Variants in NCAM1 observed in about 807,000 individuals in gnomAD.
The protein encoded by NCAM1 is neural cell adhesion molecule 1.
A neutral mutation model predicts 109.8 loss-of-function variants in NCAM1; 14 were observed. That is an observed-to-expected ratio of 0.13 (90% confidence interval 0.08 to 0.20). The LOEUF (loss-of-function observed/expected upper bound fraction) is 0.20. Ranked by LOEUF, NCAM1 falls within the 10% of genes least tolerant of loss-of-function variation. The pLI, the probability that NCAM1 is intolerant of heterozygous loss-of-function variation, is 1.00. For synonymous variants in NCAM1, 418 were observed against 442.9 expected (o/e 0.94, Z 0.70); for missense variants, 774 against 1,109.9 (o/e 0.70, Z 4.30).
intron 1 of NCAM1, among the ~76,000 whole-genome samples, chr11:113,109,586 G>C (rs1555093240): frequency 6.6e-6 from 1 of 152,178 alleles, no homozygotes; most frequent in Non-Finnish European, 1.5e-5. Flanking sequence ...TGGGGACAGG[G>C]AGATTACACA....
chr11:113,076,385 C>A (rs1306567774), intron 1 of NCAM1, among the ~76,000 whole-genome samples: 1 of 152,122 alleles, frequency 6.6e-6, no homozygotes, highest in Non-Finnish European at 1.5e-5. Flanking sequence ...ATTTTTCCAC[C>A]CAAATGCATA....
intron 14 of NCAM1, among the ~76,000 whole-genome samples, chr11:113,243,340 C>T (rs968582761): frequency 2.6e-5 from 4 of 152,148 alleles, no homozygotes; most frequent in African/African-American, 9.7e-5. Context: ...ACAGCATGCC[C>T]GGCTTTGTCT....
chr11:113,033,818 T>C (rs954941741), intron 1 of NCAM1, among the ~76,000 whole-genome samples: 23 of 152,194 alleles, frequency 1.5e-4, no homozygotes, highest in African/African-American at 5.5e-4. Context: ...GACTAAGACA[T>C]TTAGATCAAT....
intron 1 of NCAM1, among the ~76,000 whole-genome samples, chr11:113,009,301 G>A (rs1401414997): frequency 1.7e-5 from 2 of 116,936 alleles, no homozygotes; most frequent in African/African-American, 6.1e-5. Context: ...TAATTGGAAG[G>A]GTTTTTTCGG....
At chr11:113,204,175 C>T in intron 2 of NCAM1, 111 bp from the exon 3 acceptor site, 2 of 884,832 alleles carry the variant, frequency 2.3e-6, no homozygotes. Flanking sequence ...ATGTTCAAGC[C>T]TTGACTGATC....
chr11:112,981,889 T>G (rs1940726), intron 1 of NCAM1, among the ~76,000 whole-genome samples: 68,435 of 151,752 alleles, frequency 0.45, 16,296 homozygotes, highest in East Asian at 0.8. Flanking sequence ...CAAATAAAAT[T>G]AGTTGTTGTC....
intron 1 of NCAM1, among the ~76,000 whole-genome samples, chr11:113,035,952 C>T (rs151161751): frequency 0.021 from 3,147 of 152,130 alleles, 51 homozygotes; most frequent in Middle Eastern, 0.044. Flanking sequence ...CTCCAGTCCC[C>T]GAGAAGTCCA....
At chr11:113,220,790 T>A (rs1057307104) in intron 8 of NCAM1, among the ~76,000 whole-genome samples, 4 of 151,850 alleles carry the variant, frequency 2.6e-5, no homozygotes, top group African/African-American at 4.8e-5. Context: ...GTATTTTTTT[T>A]AGTAGAGATG....
At chr11:113,039,653 C>T (rs1287910252) in intron 1 of NCAM1, among the ~76,000 whole-genome samples, 1 of 152,162 alleles carries the variant, frequency 6.6e-6, no homozygotes, top group Non-Finnish European at 1.5e-5. Context: ...ATATAATTTT[C>T]AGAATATTAT....
chr11:113,231,864 C>A, intron 10 of NCAM1, 69 bp downstream of exon 10: 1 of 1,582,352 alleles, frequency 6.3e-7, no homozygotes, highest in Non-Finnish European at 8.6e-7. Flanking sequence ...GAGAGGAAAA[C>A]ATCAGCAAGG....
chr11:113,200,391 G>T (rs1216556664), intron 1 of NCAM1, among the ~76,000 whole-genome samples: 1 of 152,172 alleles, frequency 6.6e-6, no homozygotes, highest in Non-Finnish European at 1.5e-5. Context: ...GATACGATGG[G>T]CCCTTATCAA....
intron 1 of NCAM1, among the ~76,000 whole-genome samples, chr11:113,184,452 TG>T: frequency 6.6e-6 from 1 of 152,250 alleles, no homozygotes; most frequent in East Asian, 1.9e-4. Context: ...ACTACCATTT[TG>T]AAGATACAAT....
intron 1 of NCAM1, among the ~76,000 whole-genome samples, chr11:113,050,263 A>G (rs10891497): frequency 0.16 from 24,370 of 152,160 alleles, 2,441 homozygotes; most frequent in South Asian, 0.29. Flanking sequence ...TCCATACTTA[A>G]TGGTAGTAAA....
At chr11:113,018,460 T>C (rs1952277172) in intron 1 of NCAM1, among the ~76,000 whole-genome samples, 1 of 152,206 alleles carries the variant, frequency 6.6e-6, no homozygotes, top group South Asian at 2.1e-4. Context: ...TCCCTTGAGA[T>C]AATATTGTTC....
chr11:113,096,037 A>G (rs1486001745), intron 1 of NCAM1, among the ~76,000 whole-genome samples: 1 of 152,206 alleles, frequency 6.6e-6, no homozygotes, highest in Non-Finnish European at 1.5e-5. Flanking sequence ...ACAGGAATTC[A>G]GACACAGACC....
Position 113,277,872 on chromosome 11 carries a change from A to AAAAAAAG in NCAM1, c.*2489_*2490insAAGAAAA. 6.5e-6 allele frequency: 1 copy of AAAAAAAG among 154,438 alleles called. No individual in the cohort carries two copies. Among genetic ancestry groups the AAAAAAAG allele is most frequent in the South Asian group, 2.1e-4 (1 of 4,812 alleles). The allele number at this position is 154,438 out of a possible 1,614,324, so 9.6% of individuals were successfully genotyped here. On this transcript the variant is annotated 3_prime_UTR_variant, in exon 20 of 20. Coordinates refer to ENST00000316851, the MANE Select transcript of NCAM1 (RefSeq NM_181351.5). Reference sequence around the variant, plus strand: ...TTTAAAAAAAAAAAAAAAAAAAAAAAAAAAGCAATGCTTTCTCTAAAATCA... The same window carrying AAAAAAAG: ...TTTAAAAAAAAAAAAAAAAAAAAAAAAAAAAAGAAAAGCAATGCTTTCTCTAAAATCA...
At chr11:113,193,661 G>GA (rs1384266357) in intron 1 of NCAM1, among the ~76,000 whole-genome samples, 14 of 150,582 alleles carry the variant, frequency 9.3e-5, no homozygotes, top group Admixed American at 2.0e-4. Context: ...GGAAGAAAAA[G>GA]AAAAAAAGAA....
At chr11:112,977,197 A>G (rs914858900) in intron 1 of NCAM1, among the ~76,000 whole-genome samples, 1 of 151,810 alleles carries the variant, frequency 6.6e-6, no homozygotes, top group Non-Finnish European at 1.5e-5. Context: ...CTGTTCTACA[A>G]AGATATTATT....
chr11:113,157,450 C>CCTACT (rs1942455827), intron 1 of NCAM1, among the ~76,000 whole-genome samples: 1 of 152,036 alleles, frequency 6.6e-6, no homozygotes, highest in African/African-American at 2.4e-5. Flanking sequence ...CCTCTTTTTT[C>CCTACT]CTACTTTCTT....
Sources: gnomAD v4.1 joint callset for allele counts (sites outside exome capture counted in the v4.1 genomes callset) on GRCh38, gnomAD v4.1.1 for gene constraint, MANE v1.5 for transcripts, NCBI Gene and HGNC (gene_info 2026-07-23, HGNC 2026-07-21) for gene names.